The following PDE4C variants were observed in gnomAD, a reference collection of about 807,000 sequenced individuals.
The protein encoded by PDE4C is phosphodiesterase 4C.
In PDE4C, 50 loss-of-function variants were observed where a neutral mutation model predicts 63.9. The observed-to-expected ratio is 0.78, with a 90% CI of 0.62 to 0.99. PDE4C has a LOEUF of 0.99. Ranked by LOEUF, PDE4C falls within the 50% of genes least tolerant of loss-of-function variation. The pLI, the probability that PDE4C is intolerant of heterozygous loss-of-function variation, is 0.00. For missense variants in PDE4C, 777 were observed against 899.1 expected, an observed-to-expected ratio of 0.86 and a Z score of 1.74; for synonymous variants, 377 against 385.1, an observed-to-expected ratio of 0.98 and a Z score of 0.25.
chr19:18,252,167 G>A (rs1969238175), upstream of PDE4C: 2 of 399,148 alleles, frequency 5.0e-6, no homozygotes, highest in Non-Finnish European at 8.8e-6. Flanking sequence ...CGGAACTGGG[G>A]AGGGTGGAAT....
chr19:18,223,097 T>TG (rs1968563476), intron 1 of PDE4C, among the ~76,000 whole-genome samples: 1 of 151,836 alleles, frequency 6.6e-6, no homozygotes, highest in African/African-American at 2.4e-5. Context: ...TGGAGTGCAG[T>TG]GGGGGAACGA....
upstream of PDE4C, among the ~76,000 whole-genome samples, chr19:18,234,843 C>T (rs138849486): frequency 5.9e-4 from 90 of 152,202 alleles, no homozygotes; most frequent in Middle Eastern, 3.4e-3. Context: ...TGCTGTGTGA[C>T]GCATGACAAA....
intron 1 of PDE4C, chr19:18,224,591 C>T: frequency 1.2e-6 from 1 of 867,048 alleles, no homozygotes; most frequent in Non-Finnish European, 1.4e-6. Context: ...AGCTTGTTCG[C>T]CTAAGTCCGG....
At chr19:18,249,147 G>A (rs1278959968), upstream of PDE4C, among the ~76,000 whole-genome samples, 1 of 151,704 alleles carries the variant, frequency 6.6e-6, no homozygotes, top group Middle Eastern at 3.2e-3. Flanking sequence ...AAGAAAAAAA[G>A]AGAGAGAGAT....
chr19:18,241,579 TTC>T (rs1004709494), intron 1 of PDE4C, among the ~76,000 whole-genome samples: 9 of 149,460 alleles, frequency 6.0e-5, no homozygotes, highest in African/African-American at 2.2e-4. Flanking sequence ...GACAGGGTCT[TTC>T]TCTGTCACCC....
exon 14 of PDE4C, chr19:18,211,872 A>G: frequency 6.2e-7 from 1 of 1,614,218 alleles, no homozygotes; most frequent in Non-Finnish European, 8.5e-7. Context: ...CGGTCCGTCC[A>G]CTGGCGGTAC....
chr19:18,248,204 C>CCA (rs1462978705), upstream of PDE4C: 1 of 456,234 alleles, frequency 2.2e-6, no homozygotes, highest in East Asian at 6.9e-5. Context: ...GTCCCATGAC[C>CCA]TGCTGGCTAG....
chr19:18,252,826 C>A (rs1027960037), upstream of PDE4C, among the ~76,000 whole-genome samples: 5 of 152,304 alleles, frequency 3.3e-5, no homozygotes, highest in African/African-American at 1.2e-4. Flanking sequence ...AGATTTGTCT[C>A]GAACTTCTGA....
the PDE4C span, among the ~76,000 whole-genome samples, chr19:18,253,563 A>AAAAAC: frequency 1.4e-5 from 2 of 141,760 alleles, no homozygotes; most frequent in Middle Eastern, 3.7e-3. Flanking sequence ...AAAAAAAAAA[A>AAAAAC]ACACACACAC....
At chr19:18,236,767 G>T (rs926949305), upstream of PDE4C, 1 of 152,258 alleles carries the variant, frequency 6.6e-6, no homozygotes, top group African/African-American at 2.4e-5. Context: ...CTTAATAAAT[G>T]CTTTCTGGAT....
chr19:18,225,982 G>A (rs1568674176), intron 1 of PDE4C, among the ~76,000 whole-genome samples: 1 of 152,232 alleles, frequency 6.6e-6, no homozygotes, highest in Non-Finnish European at 1.5e-5. Flanking sequence ...TCCCACTCTG[G>A]GCCTCACAGC....
At chr19:18,251,473 C>T (rs1233804121), upstream of PDE4C, among the ~76,000 whole-genome samples, 1 of 151,816 alleles carries the variant, frequency 6.6e-6, no homozygotes, top group Non-Finnish European at 1.5e-5. Flanking sequence ...CTTACTCTGC[C>T]ACCCAGGCTG....
intron 1 of PDE4C, chr19:18,224,236 TG>T: frequency 2.0e-6 from 2 of 985,394 alleles, no homozygotes; most frequent in Non-Finnish European, 2.4e-6. Context: ...GGCGGTGACC[TG>T]GGGGTGGGTT....
In PDE4C at chr19:18,220,135, C is replaced by T; in HGVS notation, c.706+91G>A. ...TGAAGGTGTCTGTGTCTGGCTGTATCTCCCCCAGACTGAGGTCTATCATAG... is the reference window on the plus strand; with the variant it reads ...TGAAGGTGTCTGTGTCTGGCTGTATTTCCCCCAGACTGAGGTCTATCATAG... On this transcript the variant is annotated intron_variant, in intron 7 of 14. Transcript: ENST00000262805. The surrounding 1 kb of genome is among the most constrained non-coding windows in gnomAD (Gnocchi z 5.1). 1 of 1,011,934 alleles carries T rather than the reference C, an allele frequency of 9.9e-7. No homozygotes were observed. The allele number at this position is 1,011,934 out of a possible 1,614,324, so 62.7% of individuals were successfully genotyped here.
upstream of PDE4C, among the ~76,000 whole-genome samples, chr19:18,226,772 A>G (rs1968745793): frequency 6.6e-6 from 1 of 151,650 alleles, no homozygotes; most frequent in Non-Finnish European, 1.5e-5. Context: ...CGCCCGGGCT[A>G]ATGTATTTTC....
chr19:18,223,992 G>T (rs1821602343), intron 1 of PDE4C, among the ~76,000 whole-genome samples: 1 of 152,164 alleles, frequency 6.6e-6, no homozygotes. Flanking sequence ...AGCTAGCCGG[G>T]TCCTGCCCTA....
At chr19:18,218,428 C>A in exon 10 of PDE4C, 1 of 1,614,196 alleles carries the variant, frequency 6.2e-7, no homozygotes, top group Non-Finnish European at 8.5e-7. Flanking sequence ...GTGGTAGTGA[C>A]CTTCCAGCAT....
In PDE4C at chr19:18,222,360, A is replaced by G. The variant is rs779514589; in HGVS notation, c.147-37T>C. 3.2e-6 allele frequency: 5 copies of G among 1,578,424 alleles called. No homozygotes were observed. In the East Asian group the frequency reaches 1.1e-4, roughly 36 times the overall value. ...GACGGCATGGTCAGAGACGAGGGTCATGACAACTGGGTGCCGGGTCGTGGC... is the reference window on the plus strand; with the variant it reads ...GACGGCATGGTCAGAGACGAGGGTCGTGACAACTGGGTGCCGGGTCGTGGC... On this transcript the variant is annotated intron_variant, in intron 1 of 14. Coordinates refer to ENST00000262805, the Ensembl canonical transcript of PDE4C.
At chr19:18,222,058 G>A in intron 2 of PDE4C, 74 bp downstream of exon 2, 1 of 1,312,498 alleles carries the variant, frequency 7.6e-7, no homozygotes, top group African/African-American at 1.5e-5. Context: ...GCTATTTGAA[G>A]GAGCTTGCTG....
Sources: gnomAD v4.1 joint callset for allele counts (sites outside exome capture counted in the v4.1 genomes callset) on GRCh38, gnomAD v4.1.1 for gene constraint, Gnocchi (gnomAD v3.1) non-coding constraint, MANE v1.5 for transcripts, NCBI Gene and HGNC (gene_info 2026-07-23, HGNC 2026-07-21) for gene names.